ANKRD17: variants seen among roughly 807,000 people sequenced by gnomAD.
ANKRD17 encodes the protein ankyrin repeat domain-containing protein 17.
ANKRD17 carries 19 observed loss-of-function variants against 229.7 expected under a neutral mutation model. That is an observed-to-expected ratio of 0.08 (90% CI 0.06 to 0.12). ANKRD17 has a LOEUF of 0.12. Among genes scored for constraint, ANKRD17 ranks in the 10% least tolerant of loss-of-function variants. The pLI is 1.00. For missense variants in ANKRD17, 2,176 were observed against 3,176.8 expected, an observed-to-expected ratio of 0.68 and a Z score of 7.57; for synonymous variants, 1,112 against 1,146.1, an observed-to-expected ratio of 0.97 and a Z score of 0.60.
intron 1 of ANKRD17, among the ~76,000 whole-genome samples, chr4:73,252,856 T>C (rs1467624068): frequency 6.6e-6 from 1 of 152,230 alleles, no homozygotes; most frequent in Non-Finnish European, 1.5e-5. Context: ...TACTTTTCTG[T>C]ATTTCTTGCT....
intron 1 of ANKRD17, 81 bp from the exon 2 acceptor site, chr4:73,177,614 C>T: frequency 9.1e-7 from 1 of 1,101,458 alleles, no homozygotes; most frequent in Non-Finnish European, 1.3e-6. Flanking sequence ...AAAAAGAAAG[C>T]AGGGGAGGGA....
chr4:73,116,492 T>C (rs1174190625), intron 22 of ANKRD17, among the ~76,000 whole-genome samples: 3 of 152,196 alleles, frequency 2.0e-5, no homozygotes, highest in Non-Finnish European at 2.9e-5. Context: ...TCCCACTTTG[T>C]CTAGCCCATA....
At chr4:73,253,801 C>T (rs1327180415) in intron 1 of ANKRD17, among the ~76,000 whole-genome samples, 1 of 152,220 alleles carries the variant, frequency 6.6e-6, no homozygotes, top group South Asian at 2.1e-4. Flanking sequence ...ATCATCACTA[C>T]GAAAAGGAAT....
At position 73,094,000 on chromosome 4, in the gene ANKRD17, T is replaced by C; in HGVS notation, c.5327+79A>G. 24 of 1,382,740 alleles carry C rather than the reference T, an allele frequency of 1.7e-5. No homozygotes were observed. In the South Asian group the frequency reaches 1.9e-4, roughly 11 times the overall value. 85.7% of individuals were successfully genotyped at this position (1,382,740 alleles called of 1,614,324 possible). On this transcript the variant is annotated intron_variant, in intron 28 of 33. Transcript: ENST00000358602. ...TATACTATGTAACACAAAGTTCCAC[T>C]GAAAACTCATATGGCTGTATTTCAT...
chr4:73,124,342 T>G (rs1324827803), intron 18 of ANKRD17, among the ~76,000 whole-genome samples: 1 of 138,142 alleles, frequency 7.2e-6, no homozygotes, highest in East Asian at 2.2e-4. Flanking sequence ...GATACATAAG[T>G]GAGTGTAAAG....
At chr4:73,113,284 A>G in intron 24 of ANKRD17, 4 of 1,289,268 alleles carry the variant, frequency 3.1e-6, no homozygotes, top group Non-Finnish European at 4.0e-6. Context: ...TCCCCATGGG[A>G]ATAGATGGGA....
intron 16 of ANKRD17, among the ~76,000 whole-genome samples, chr4:73,130,316 G>A (rs1728033791): frequency 6.6e-6 from 1 of 152,086 alleles, no homozygotes; most frequent in African/African-American, 2.4e-5. Context: ...AAAGCAGAAT[G>A]CTTTAATGGT....
intron 31 of ANKRD17, among the ~76,000 whole-genome samples, chr4:73,077,896 C>A (rs954000537): frequency 6.6e-6 from 1 of 152,160 alleles, no homozygotes; most frequent in Admixed American, 6.5e-5. Flanking sequence ...GGGGACAGAG[C>A]TCATAAAGAA....
intron 1 of ANKRD17, among the ~76,000 whole-genome samples, chr4:73,240,381 T>C: frequency 6.6e-6 from 1 of 150,844 alleles, no homozygotes; most frequent in South Asian, 2.1e-4. Context: ...ACTAGCACTT[T>C]GAGAGGCCAA....
chr4:73,212,203 C>G (rs1407977050), intron 1 of ANKRD17, among the ~76,000 whole-genome samples: 1 of 151,992 alleles, frequency 6.6e-6, no homozygotes, highest in Non-Finnish European at 1.5e-5. Flanking sequence ...CCAGCATTTA[C>G]TATGTTCTAA....
Position 73,085,326 on chromosome 4 carries a change from G to A in ANKRD17, c.7082C>T (p.Ala2361Val), listed in dbSNP as rs1722005777. ...MYGPGAPLGG[A>V]PAAANFNRQH... ...TCTGTTAAAGTTAGCAGCTGCGGGTGCTCCTCCAAGGGGTGCCCCAGGTCC... is the reference window on the plus strand; with the variant it reads ...TCTGTTAAAGTTAGCAGCTGCGGGTACTCCTCCAAGGGGTGCCCCAGGTCC... Residue 2361 changes from alanine (A) to valine (V), a missense_variant, in exon 30 of 34, where the codon GCA (alanine) becomes GTA (valine). By Grantham distance (64) the Ala-to-Val change is moderately conservative. This residue lies in a region of ANKRD17 where 87 missense variants were observed against 116.0 expected (regional missense o/e 0.75). Coordinates refer to ENST00000358602, the MANE Select transcript of ANKRD17 (RefSeq NM_032217.5). The A allele has an allele frequency of 6.2e-7, 1 of 1,614,132 alleles. No individual in the cohort carries two copies. Among genetic ancestry groups the A allele is most frequent in the East Asian group, 2.2e-5 (1 of 44,868 alleles).
chr4:73,169,301 C>T (rs946836712), intron 2 of ANKRD17, among the ~76,000 whole-genome samples: 5 of 152,066 alleles, frequency 3.3e-5, no homozygotes, highest in East Asian at 1.9e-4. Flanking sequence ...TATGCTTGGG[C>T]GCCATTTTAA....
intron 24 of ANKRD17, among the ~76,000 whole-genome samples, chr4:73,104,646 A>G (rs1374970228): frequency 6.6e-6 from 1 of 152,140 alleles, no homozygotes; most frequent in Non-Finnish European, 1.5e-5. Context: ...CAAAACAGCA[A>G]ATGAAGTTTT....
chr4:73,236,249 G>A (rs1743502228), intron 1 of ANKRD17, among the ~76,000 whole-genome samples: 1 of 151,980 alleles, frequency 6.6e-6, no homozygotes, highest in Non-Finnish European at 1.5e-5. Flanking sequence ...TTAAATTCCT[G>A]GGCTTAAGCA....
Position 73,074,384 on chromosome 4 carries a change from T to G in ANKRD17, c.*1847A>C, listed in dbSNP as rs1043281340. ...TAGTGGCAAGTCATATATAAAATACTTCGTTAAATAACATTATTACATCCC... is the reference window on the plus strand; with the variant it reads ...TAGTGGCAAGTCATATATAAAATACGTCGTTAAATAACATTATTACATCCC... On this transcript the variant is annotated 3_prime_UTR_variant, in exon 34 of 34. Transcript: ENST00000358602. 1 of 152,022 alleles carries G rather than the reference T, an allele frequency of 6.6e-6. No homozygotes were observed. Among genetic ancestry groups the G allele is most frequent in the Admixed American group, 6.6e-5 (1 of 15,254 alleles). The allele number at this position is 152,022 out of a possible 1,614,324, so 9.4% of individuals were successfully genotyped here.
intron 9 of ANKRD17, 43 bp from the exon 10 acceptor site, chr4:73,146,916 C>T: frequency 6.7e-7 from 1 of 1,490,028 alleles, no homozygotes; most frequent in South Asian, 1.2e-5. Flanking sequence ...ATAAAGGAGC[C>T]ATAAGACATA....
At chr4:73,239,705 A>C (rs1395255937) in intron 1 of ANKRD17, among the ~76,000 whole-genome samples, 1 of 152,154 alleles carries the variant, frequency 6.6e-6, no homozygotes, top group Non-Finnish European at 1.5e-5. Context: ...TTAAATTTTC[A>C]GTTCACAGTT....
At chr4:73,212,240 C>T (rs903549382) in intron 1 of ANKRD17, among the ~76,000 whole-genome samples, 2 of 135,570 alleles carry the variant, frequency 1.5e-5, no homozygotes, top group African/African-American at 7.7e-5. Flanking sequence ...CTGAAGATAC[C>T]AACAACAAAG....
chr4:73,124,799 A>G, intron 18 of ANKRD17, 114 bp downstream of exon 18: 5 of 1,292,638 alleles, frequency 3.9e-6, no homozygotes, highest in Non-Finnish European at 5.3e-6. Context: ...AGTTTCAGTT[A>G]TTGTGAGAAA....
Sources: gnomAD v4.1 joint callset for allele counts (sites outside exome capture counted in the v4.1 genomes callset) on GRCh38, gnomAD v4.1.1 for gene constraint, gnomAD v4.1.1 regional missense constraint, MANE v1.5 for transcripts, NCBI Gene and HGNC (gene_info 2026-07-23, HGNC 2026-07-21) for gene names.